The following GRHL2 variants were observed in gnomAD, a reference collection of about 807,000 sequenced individuals.
The protein encoded by GRHL2 is grainyhead like transcription factor 2, also known as grainyhead-like protein 2 homolog.
In GRHL2, 21 loss-of-function variants were observed where a neutral mutation model predicts 83.8. The observed-to-expected ratio is 0.25, with a 90% CI of 0.18 to 0.36. The LOEUF is 0.36. Ranked by LOEUF, GRHL2 falls within the 10% of genes least tolerant of loss-of-function variation. The probability of loss-of-function intolerance (pLI) is 1.00; values close to 1 mark genes in which losing one functional copy is unlikely to be tolerated. For missense variants in GRHL2, 623 were observed against 781.8 expected, an observed-to-expected ratio of 0.80 and a Z score of 2.42; for synonymous variants, 280 against 278.9, an observed-to-expected ratio of 1.00 and a Z score of -0.04.
chr8:101,511,213 G>A (rs1810457550), intron 1 of GRHL2, among the ~76,000 whole-genome samples: 1 of 151,736 alleles, frequency 6.6e-6, no homozygotes, highest in African/African-American at 2.4e-5. Flanking sequence ...TCATTTTTTG[G>A]GTTGCATGAT....
intron 14 of GRHL2, among the ~76,000 whole-genome samples, chr8:101,656,093 G>A (rs191650898): frequency 1.3e-5 from 2 of 152,284 alleles, no homozygotes; most frequent in Admixed American, 6.5e-5. Context: ...CATCTTCATC[G>A]CTCTCTGTCA....
intron 1 of GRHL2, among the ~76,000 whole-genome samples, chr8:101,525,140 A>C (rs2130061707): frequency 6.6e-6 from 1 of 152,270 alleles, no homozygotes; most frequent in East Asian, 1.9e-4. Flanking sequence ...ACAGGGTTTC[A>C]TCATGTTGGT....
downstream of GRHL2, among the ~76,000 whole-genome samples, chr8:101,672,810 C>T (rs534636837): frequency 2.6e-5 from 4 of 151,610 alleles, no homozygotes; most frequent in Non-Finnish European, 4.4e-5. Context: ...AGAGAAAGGT[C>T]GGGTTACCCT....
At chr8:101,500,593 C>T (rs1233778836) in intron 1 of GRHL2, among the ~76,000 whole-genome samples, 1 of 152,152 alleles carries the variant, frequency 6.6e-6, no homozygotes, top group Non-Finnish European at 1.5e-5. Context: ...ACTGCAACCT[C>T]CGCCTCCTAG....
chr8:101,575,251 C>G (rs996453257), intron 6 of GRHL2, among the ~76,000 whole-genome samples: 2 of 151,454 alleles, frequency 1.3e-5, no homozygotes, highest in African/African-American at 4.9e-5. Flanking sequence ...TAGTATAACT[C>G]ATATACACCC....
chr8:101,657,269 G>T, intron 14 of GRHL2, among the ~76,000 whole-genome samples: 1 of 152,172 alleles, frequency 6.6e-6, no homozygotes. Context: ...AGGCAGTTCT[G>T]TTGTATGCCT....
intron 1 of GRHL2, among the ~76,000 whole-genome samples, chr8:101,502,094 G>T (rs1467538179): frequency 6.6e-6 from 1 of 151,988 alleles, no homozygotes; most frequent in African/African-American, 2.4e-5. Context: ...GTACTTCTTG[G>T]ATCTAACTTT....
At chr8:101,652,427 TGTGTGTGTCTG>T (rs1328776060) in intron 14 of GRHL2, among the ~76,000 whole-genome samples, 5 of 55,208 alleles carry the variant, frequency 9.1e-5, no homozygotes, top group Non-Finnish European at 1.7e-4. Context: ...GTGTGTGTGG[TGTGTGTGTCTG>T]GTGTGTGTGG....
intron 2 of GRHL2, among the ~76,000 whole-genome samples, chr8:101,546,502 C>T (rs536093742): frequency 1.1e-4 from 16 of 151,838 alleles, no homozygotes; most frequent in African/African-American, 3.1e-4. Flanking sequence ...CTCTGTCTCC[C>T]GAGTTCAAAC....
chr8:101,536,685 A>C (rs1238057307), intron 1 of GRHL2, among the ~76,000 whole-genome samples: 1 of 152,216 alleles, frequency 6.6e-6, no homozygotes, highest in Admixed American at 6.5e-5. Context: ...GGGGACAGAT[A>C]ATGATGAGGA....
chr8:101,572,256 C>G (rs1168248530), intron 5 of GRHL2, among the ~76,000 whole-genome samples: 1 of 152,112 alleles, frequency 6.6e-6, no homozygotes, highest in Non-Finnish European at 1.5e-5. Context: ...TTCAATGGTA[C>G]TGTGTTGAAA....
At chr8:101,596,514 T>C (rs531752223) in intron 7 of GRHL2, among the ~76,000 whole-genome samples, 25 of 152,342 alleles carry the variant, frequency 1.6e-4, no homozygotes, top group Non-Finnish European at 3.5e-4. Flanking sequence ...TAGAAAACTA[T>C]TGGACATCAT....
intron 12 of GRHL2, among the ~76,000 whole-genome samples, chr8:101,642,567 T>G (rs1464573441): frequency 6.6e-6 from 1 of 152,206 alleles, no homozygotes; most frequent in Non-Finnish European, 1.5e-5. Flanking sequence ...TAACGTGACC[T>G]GCTTTTACGA....
At chr8:101,633,737 T>G (rs1813232243) in intron 11 of GRHL2, among the ~76,000 whole-genome samples, 1 of 152,170 alleles carries the variant, frequency 6.6e-6, no homozygotes, top group South Asian at 2.1e-4. Context: ...CTATTTTTTT[T>G]TTAATTCCCA....
intron 14 of GRHL2, 24 bp downstream of exon 14, chr8:101,649,523 C>T (rs979509549): frequency 6.4e-7 from 1 of 1,564,496 alleles, no homozygotes; most frequent in African/African-American, 1.4e-5. Context: ...TCCTTTCAGC[C>T]TCCAGGAAAC....
chr8:101,636,775 A>ACACAC, intron 11 of GRHL2, 122 bp from the exon 12 acceptor site: 1 of 784,190 alleles, frequency 1.3e-6, no homozygotes, highest in Non-Finnish European at 2.3e-6. Context: ...ACTGTTATTA[A>ACACAC]ACAGATTAGT....
chr8:101,671,035 G>A (rs1299517005), downstream of GRHL2, among the ~76,000 whole-genome samples: 1 of 152,200 alleles, frequency 6.6e-6, no homozygotes, highest in Admixed American at 6.5e-5. Context: ...GGCACCAAGG[G>A]GGGTGGAGCC....
chr8:101,603,018 G>A (rs1340250779), intron 8 of GRHL2, among the ~76,000 whole-genome samples: 3 of 152,116 alleles, frequency 2.0e-5, no homozygotes, highest in Admixed American at 6.5e-5. Flanking sequence ...AACAGAATGT[G>A]TGACATTCTT....
chr8:101,493,747 C>G (rs1486385904), intron 1 of GRHL2, among the ~76,000 whole-genome samples: 1 of 152,002 alleles, frequency 6.6e-6, no homozygotes, highest in Non-Finnish European at 1.5e-5. Context: ...GCGGCGGGAA[C>G]GCTGGGCTCG....
Sources: gnomAD v4.1 joint callset for allele counts (sites outside exome capture counted in the v4.1 genomes callset) on GRCh38, gnomAD v4.1.1 for gene constraint, MANE v1.5 for transcripts, NCBI Gene and HGNC (gene_info 2026-07-23, HGNC 2026-07-21) for gene names.